The following HELB variants were observed in gnomAD, a reference collection of about 807,000 sequenced individuals.
The protein encoded by HELB is DNA 5'-3' helicase B.
In HELB, 96 loss-of-function variants were observed where a neutral mutation model predicts 101.7. The ratio of observed to expected loss-of-function variants is 0.94; its 90% confidence interval spans 0.80 to 1.12. The LOEUF is 1.12. HELB is among the 50% of genes most tolerant of loss of function. The probability of loss-of-function intolerance (pLI) is 0.00; values close to 1 mark genes in which losing one functional copy is unlikely to be tolerated. For synonymous variants in HELB, 437 were observed against 459.7 expected, an observed-to-expected ratio of 0.95 and a Z score of 0.63; for missense variants, 1,210 against 1,291.9, an observed-to-expected ratio of 0.94 and a Z score of 0.97.
intron 6 of HELB, among the ~76,000 whole-genome samples, chr12:66,316,529 C>T (rs1261956422): frequency 4.6e-5 from 7 of 151,386 alleles, no homozygotes; most frequent in African/African-American, 1.5e-4. Context: ...TTAGGCCCCA[C>T]GTAAAATACA....
intron 4 of HELB, among the ~76,000 whole-genome samples, chr12:66,312,929 G>A (rs1191378419): frequency 6.6e-6 from 1 of 152,222 alleles, no homozygotes; most frequent in Non-Finnish European, 1.5e-5. Flanking sequence ...GGGATTGTGT[G>A]TGGGGGAACC....
At chr12:66,332,815 C>A (rs553447083) in intron 12 of HELB, among the ~76,000 whole-genome samples, 6 of 152,310 alleles carry the variant, frequency 3.9e-5, no homozygotes, top group African/African-American at 1.4e-4. Flanking sequence ...GTGCCTACAA[C>A]ATAAATTCTA....
chr12:66,331,442 C>T lies in HELB; in HGVS notation c.2959C>T (p.Pro987Ser). The change falls in exon 12 of 13, where the codon CCT becomes TCT. Residue 987 changes from proline (P) to serine (S), a missense_variant. By Grantham distance (74) the Pro-to-Ser change is moderately conservative. Transcript: ENST00000247815. ...CAGCACACCGTCAGCATCTCCACTC[C>T]CTGTAGTCACAGACCACGCCATGAC... ...GPSTPSASPL[P>S]VVTDHAMTND... 1 of 1,614,204 alleles carries T rather than the reference C, an allele frequency of 6.2e-7. No homozygotes were observed. The highest frequency in any genetic ancestry group is 1.1e-5 in the South Asian group (1 of 91,084).
intron 11 of HELB, among the ~76,000 whole-genome samples, chr12:66,327,223 G>C (rs1309561055): frequency 2.0e-5 from 3 of 151,592 alleles, no homozygotes; most frequent in African/African-American, 7.3e-5. Context: ...TAAGACCAAA[G>C]TTCCCCAGGT....
Position 66,310,048 on chromosome 12 carries a change from C to G in HELB, c.1120C>G (p.Pro374Ala). 1 of 1,614,178 alleles carries G rather than the reference C, an allele frequency of 6.2e-7. No individual in the cohort carries two copies. The highest frequency in any genetic ancestry group is 8.5e-7 in the Non-Finnish European group (1 of 1,180,036). The change falls in exon 4 of 13, where the codon CCT becomes GCT. Residue 374 changes from proline to alanine, a missense_variant. This residue lies in a region of HELB where 470 missense variants were observed against 563.1 expected (regional missense o/e 0.83). Coordinates refer to ENST00000247815, the MANE Select transcript of HELB (RefSeq NM_001370285.1). Reference protein sequence around the residue: ...AFSICDLMKKPPWHLCVDVEK... With the variant: ...AFSICDLMKKAPWHLCVDVEK... ...TTCAATTTGTGACCTGATGAAGAAA[C>G]CTCCTTGGCATTTATGTGTCGATGT...
intron 7 of HELB, among the ~76,000 whole-genome samples, chr12:66,321,165 A>G (rs2053666145): frequency 6.6e-6 from 1 of 152,160 alleles, no homozygotes; most frequent in South Asian, 2.1e-4. Flanking sequence ...TTCATCTGCT[A>G]TTAGGGAAAC....
intron 2 of HELB, 70 bp downstream of exon 2, chr12:66,305,220 T>A (rs2053461078): frequency 2.1e-6 from 2 of 933,230 alleles, no homozygotes; most frequent in Non-Finnish European, 3.3e-6. Context: ...TTTAAAATGT[T>A]ACCACTAGCA....
In HELB at chr12:66,302,595, A is replaced by G. The variant is rs753677464; in HGVS notation, c.-9A>G. The G allele has an allele frequency of 4.6e-5, 74 of 1,611,042 alleles. No homozygotes were observed. Among genetic ancestry groups the G allele is most frequent in the Non-Finnish European group, 6.3e-5 (74 of 1,177,586 alleles). On this transcript the variant is annotated 5_prime_UTR_variant, in exon 1 of 13. Coordinates refer to ENST00000247815, the MANE Select transcript of HELB (RefSeq NM_001370285.1). ...TTCCCGAGTTGTTTGGGTTGAGTTC[A>G]GGAGAAGCATGGCCAGGTCGAGTCC...
chr12:66,327,066 A>AATATATATATATATATATATAT (rs1555167520), intron 11 of HELB, among the ~76,000 whole-genome samples: 8 of 46,812 alleles, frequency 1.7e-4, no homozygotes, highest in African/African-American at 1.0e-3. Context: ...AAAAAAAAAA[A>AATATATATATATATATATATAT]ATATATATAT....
intron 11 of HELB, among the ~76,000 whole-genome samples, chr12:66,330,002 C>T (rs374557663): frequency 2.0e-5 from 3 of 152,302 alleles, no homozygotes; most frequent in Admixed American, 6.5e-5. Flanking sequence ...TCTCTGTCTA[C>T]GAAGATAGAA....
intron 7 of HELB, among the ~76,000 whole-genome samples, chr12:66,320,106 C>CT (rs2053653929): frequency 6.6e-6 from 1 of 151,814 alleles, no homozygotes; most frequent in African/African-American, 2.4e-5. Context: ...ATCAAGTAAA[C>CT]TTAACTAAAT....
chr12:66,307,158 CTG>C (rs2053486480), intron 3 of HELB, among the ~76,000 whole-genome samples: 1 of 152,154 alleles, frequency 6.6e-6, no homozygotes, highest in South Asian at 2.1e-4. Flanking sequence ...TTGAGAAACT[CTG>C]AGAAAATTCT....
In HELB at chr12:66,309,905, T is replaced by C. The variant is rs1251275357; in HGVS notation, c.977T>C (p.Met326Thr). The C allele has an allele frequency of 6.2e-7, 1 of 1,614,226 alleles. No individual in the cohort carries two copies. The highest frequency in any genetic ancestry group is 1.1e-5 in the South Asian group (1 of 91,090). Reference protein sequence around the residue: ...NDLTLTLSNHMSFHAASESLK... With the variant: ...NDLTLTLSNHTSFHAASESLK... ...TTAACTTTGACATTGTCAAATCATA[T>C]GTCATTTCATGCTGCTTCAGAGTCT... Residue 326 changes from methionine (M) to threonine (T), a missense_variant, in exon 4 of 13, where the codon ATG (methionine) becomes ACG (threonine). This residue lies in a region of HELB where 470 missense variants were observed against 563.1 expected (regional missense o/e 0.83). Coordinates refer to ENST00000247815, the MANE Select transcript of HELB (RefSeq NM_001370285.1).
chr12:66,311,316 G>A (rs995113316), intron 4 of HELB, among the ~76,000 whole-genome samples: 2 of 152,132 alleles, frequency 1.3e-5, no homozygotes, highest in African/African-American at 2.4e-5. Flanking sequence ...TAAAAAATTA[G>A]GTGGGCATGG....
Position 66,315,399 on chromosome 12 carries a change from G to C in HELB, c.2000+16G>C. 6.7e-7 allele frequency: 1 copy of C among 1,490,778 alleles called. No individual in the cohort carries two copies. The highest frequency in any genetic ancestry group is 1.4e-5 in the South Asian group (1 of 71,546). 92.3% of individuals were successfully genotyped at this position (1,490,778 alleles called of 1,614,324 possible). On this transcript the variant is annotated intron_variant, in intron 6 of 12. Coordinates refer to ENST00000247815, the MANE Select transcript of HELB (RefSeq NM_001370285.1). The stretch of plus-strand genomic sequence containing the variant: ...ATGCTACAAGGTATAATATTACTAA[G>C]AGTTTGCATTTTCTGTCTGTTGTAT...
At chr12:66,334,512 C>T (rs945182361) in intron 12 of HELB, among the ~76,000 whole-genome samples, 1 of 147,052 alleles carries the variant, frequency 6.8e-6, no homozygotes, top group African/African-American at 2.5e-5. Flanking sequence ...CAGTGGCTCA[C>T]ACCTGTAATC....
At chr12:66,336,812 C>T (rs914805507) in intron 12 of HELB, among the ~76,000 whole-genome samples, 2 of 151,964 alleles carry the variant, frequency 1.3e-5, no homozygotes, top group Non-Finnish European at 2.9e-5. Flanking sequence ...CTGAAGAGGT[C>T]GTAGATTCTT....
intron 6 of HELB, among the ~76,000 whole-genome samples, chr12:66,317,018 CAA>C (rs35841295): frequency 0.095 from 7,753 of 81,534 alleles, 564 homozygotes; most frequent in African/African-American, 0.26. Flanking sequence ...GACTCCATCT[CAA>C]AAAAAAAAAA....
At chr12:66,335,568 A>T (rs2053858007) in intron 12 of HELB, among the ~76,000 whole-genome samples, 1 of 152,360 alleles carries the variant, frequency 6.6e-6, no homozygotes. Context: ...GTGGTCAAGG[A>T]AAACTTTATT....
Sources: gnomAD v4.1 joint callset for allele counts (sites outside exome capture counted in the v4.1 genomes callset) on GRCh38, gnomAD v4.1.1 for gene constraint, gnomAD v4.1.1 regional missense constraint, MANE v1.5 for transcripts, NCBI Gene and HGNC (gene_info 2026-07-23, HGNC 2026-07-21) for gene names.